Variants in MGAT5 observed in about 807,000 individuals in gnomAD.
MGAT5 encodes the protein alpha-1,6-mannosylglycoprotein 6-beta-N-acetylglucosaminyltransferase A.
In MGAT5, 30 loss-of-function variants were observed where a neutral mutation model predicts 94.3. The observed-to-expected ratio is 0.32, with a 90% CI of 0.24 to 0.43. MGAT5 has a LOEUF of 0.43. Among genes scored for constraint, MGAT5 ranks in the 20% least tolerant of loss-of-function variants. The probability of loss-of-function intolerance (pLI) is 1.00; values close to 1 mark genes in which losing one functional copy is unlikely to be tolerated. For synonymous variants in MGAT5, 310 were observed against 322.9 expected (o/e 0.96, Z 0.43); for missense variants, 691 against 905.5 (o/e 0.76, Z 3.04).
At chr2:134,440,609 C>T (rs1403199141) in intron 14 of MGAT5, among the ~76,000 whole-genome samples, 3 of 152,194 alleles carry the variant, frequency 2.0e-5, no homozygotes, top group Non-Finnish European at 4.4e-5. Context: ...GGAATAAGAG[C>T]GTTCGAAAAC....
intron 1 of MGAT5, among the ~76,000 whole-genome samples, chr2:134,228,821 G>A (rs1380736727): frequency 6.6e-6 from 1 of 152,090 alleles, no homozygotes; most frequent in Non-Finnish European, 1.5e-5. Context: ...CACCATAGAG[G>A]GCACCACAGT....
intron 1 of MGAT5, among the ~76,000 whole-genome samples, chr2:134,238,802 G>A (rs1028393040): frequency 1.3e-5 from 2 of 152,000 alleles, no homozygotes; most frequent in Non-Finnish European, 2.9e-5. Context: ...AATTAGCCAG[G>A]CATGGTGGTG....
At chr2:134,184,067 T>C (rs1298752830) in intron 1 of MGAT5, among the ~76,000 whole-genome samples, 2 of 152,224 alleles carry the variant, frequency 1.3e-5, no homozygotes, top group African/African-American at 4.8e-5. Flanking sequence ...CGTCTCTAAT[T>C]AAAATAAAGA....
chr2:134,306,118 A>G (rs1189767977), intron 2 of MGAT5, among the ~76,000 whole-genome samples: 1 of 152,076 alleles, frequency 6.6e-6, no homozygotes, highest in African/African-American at 2.4e-5. Context: ...TATTAGGCCC[A>G]TTTGTTGTAA....
chr2:134,346,334 G>T (rs1688925027), intron 8 of MGAT5, among the ~76,000 whole-genome samples: 1 of 152,144 alleles, frequency 6.6e-6, no homozygotes, highest in South Asian at 2.1e-4. Flanking sequence ...TTGATTTCTT[G>T]TTGGATGAAA....
At chr2:134,360,727 G>T (rs376976591) in intron 9 of MGAT5, among the ~76,000 whole-genome samples, 3 of 152,168 alleles carry the variant, frequency 2.0e-5, no homozygotes, top group Admixed American at 6.5e-5. Flanking sequence ...TTCTCAAAAG[G>T]GGGGAGAAAA....
intron 2 of MGAT5, among the ~76,000 whole-genome samples, chr2:134,280,765 G>A (rs894434954): frequency 6.6e-6 from 1 of 152,232 alleles, no homozygotes; most frequent in African/African-American, 2.4e-5. Flanking sequence ...CCATGGTATT[G>A]TTGCTAGGAG....
intron 2 of MGAT5, among the ~76,000 whole-genome samples, chr2:134,314,513 C>CT (rs372386491): frequency 1.7e-3 from 257 of 152,214 alleles, no homozygotes; most frequent in African/African-American, 6.0e-3. Flanking sequence ...CATAACCTTC[C>CT]TATAGGTTCC....
intron 1 of MGAT5, among the ~76,000 whole-genome samples, chr2:134,266,170 A>AAAAAT (rs1046121616): frequency 1.4e-4 from 21 of 151,754 alleles, no homozygotes; most frequent in Non-Finnish European, 2.2e-4. Context: ...CAAAAAAAAA[A>AAAAAT]AAAAAAAGAT....
At chr2:134,289,047 C>G (rs770177610) in intron 2 of MGAT5, among the ~76,000 whole-genome samples, 31 of 152,094 alleles carry the variant, frequency 2.0e-4, no homozygotes, top group Non-Finnish European at 4.3e-4. Context: ...CCCTTCATCT[C>G]CCTTGTCTCT....
rs1348411321 is a variant in MGAT5 at position 134,452,226 on chromosome 2, G to T, written c.*3379G>T. 6.6e-6 allele frequency: 1 copy of T among 152,180 alleles called. No homozygotes were observed. Among genetic ancestry groups the T allele is most frequent in the African/African-American group, 2.4e-5 (1 of 41,436 alleles). 9.4% of individuals were successfully genotyped at this position (152,180 alleles called of 1,614,324 possible). Reference sequence around the variant, plus strand: ...GGGTGTGAAGCCTTGAGAACCTCAAGAAAGGGCTGGATTCTGCCATACCTT... The same window carrying T: ...GGGTGTGAAGCCTTGAGAACCTCAATAAAGGGCTGGATTCTGCCATACCTT... On this transcript the variant is annotated 3_prime_UTR_variant, in exon 16 of 16. Coordinates refer to ENST00000281923, the MANE Select transcript of MGAT5 (RefSeq NM_002410.5).
intron 2 of MGAT5, among the ~76,000 whole-genome samples, chr2:134,275,156 C>T (rs1321305281): frequency 6.6e-6 from 1 of 152,138 alleles, no homozygotes; most frequent in East Asian, 1.9e-4. Context: ...GATGACTTTC[C>T]CAGGGTCAGA....
rs912589696 is a variant in MGAT5 at position 134,444,391 on chromosome 2, C to G, written c.2027+2476C>G. Among the ~76,000 whole-genome samples, 3 of 152,222 alleles carry G rather than the reference C, an allele frequency of 2.0e-5. No homozygotes were observed. In the South Asian group the frequency reaches 6.2e-4, roughly 31 times the overall value. On this transcript the variant is annotated intron_variant, in intron 15 of 15. Transcript: ENST00000281923. The stretch of plus-strand genomic sequence containing the variant: ...CACCTCCTACCCCACTGTAGAGATG[C>G]GGGCTTTCTTAGCAGGAGGCTAGAA...
chr2:134,306,157 A>C (rs1287352177), intron 2 of MGAT5, among the ~76,000 whole-genome samples: 1 of 152,146 alleles, frequency 6.6e-6, no homozygotes, highest in Admixed American at 6.5e-5. Context: ...CCCACGTGGA[A>C]TATTTCATAT....
chr2:134,283,645 CTTTTTTTTTT>C (rs35922830), intron 2 of MGAT5, among the ~76,000 whole-genome samples: 80 of 69,072 alleles, frequency 1.2e-3, no homozygotes, highest in East Asian at 9.1e-3. Context: ...AATGTAGTAT[CTTTTTTTTTT>C]TTTTTTTTTT....
chr2:134,369,763 C>A (rs1368812204), intron 10 of MGAT5, among the ~76,000 whole-genome samples: 32 of 42,844 alleles, frequency 7.5e-4, no homozygotes, highest in African/African-American at 1.5e-3. Flanking sequence ...GTGTGAATGA[C>A]AGACTTTTAT....
At chr2:134,448,628 T>C (rs1246181893) in intron 15 of MGAT5, 21 bp from the exon 16 acceptor site, 3 of 1,612,620 alleles carry the variant, frequency 1.9e-6, no homozygotes, top group Non-Finnish European at 2.5e-6. Flanking sequence ...CCAACACTTG[T>C]GCCTTTCTCT....
intron 1 of MGAT5, among the ~76,000 whole-genome samples, chr2:134,232,755 A>G (rs966423078): frequency 3.3e-5 from 5 of 152,040 alleles, no homozygotes; most frequent in African/African-American, 1.2e-4. Context: ...ATGTTAGATT[A>G]TTTCTTAACT....
In MGAT5 at chr2:134,412,908, C is replaced by A. The variant is rs770176041; in HGVS notation, c.1570C>A (p.Pro524Thr). Residue 524 changes from proline to threonine, a missense_variant, in exon 12 of 16, where the codon CCC (proline) becomes ACC (threonine). Coordinates refer to ENST00000281923, the MANE Select transcript of MGAT5 (RefSeq NM_002410.5). ...GLGFPYEGPA[P>T]LEAIANGCAF... ...TGGGTTCCCTTACGAGGGCCCAGCTCCCCTGGAAGCTATCGCAAATGGATG... is the reference window on the plus strand; with the variant it reads ...TGGGTTCCCTTACGAGGGCCCAGCTACCCTGGAAGCTATCGCAAATGGATG... 3 of 1,614,116 alleles carry A rather than the reference C, an allele frequency of 1.9e-6. No homozygotes were observed. The highest frequency in any genetic ancestry group is 2.5e-6 in the Non-Finnish European group (3 of 1,180,012).
Sources: gnomAD v4.1 joint callset for allele counts (sites outside exome capture counted in the v4.1 genomes callset) on GRCh38, gnomAD v4.1.1 for gene constraint, MANE v1.5 for transcripts, NCBI Gene and HGNC (gene_info 2026-07-23, HGNC 2026-07-21) for gene names.